Variants in PDZD2 observed in about 807,000 individuals in gnomAD.
The protein encoded by PDZD2 is PDZ domain-containing protein 2.
A neutral mutation model predicts 220.7 loss-of-function variants in PDZD2; 90 were observed. That is an observed-to-expected ratio of 0.41 (90% confidence interval 0.34 to 0.49). The LOEUF is 0.49. Among genes scored for constraint, PDZD2 ranks in the 20% least tolerant of loss-of-function variants. The pLI, the probability that PDZD2 is intolerant of heterozygous loss-of-function variation, is 0.28. For missense variants in PDZD2, 3,174 were observed against 3,608.5 expected, an observed-to-expected ratio of 0.88 and a Z score of 3.08; for synonymous variants, 1,375 against 1,450.5, an observed-to-expected ratio of 0.95 and a Z score of 1.18.
rs1554045800 is a variant in PDZD2, at chr5:32,108,665, T to TAAG, written c.*532_*534dup. The TAAG allele has an allele frequency of 6.5e-6, 1 of 152,696 alleles. No individual in the cohort carries two copies. The highest frequency in any genetic ancestry group is 1.9e-4 in the East Asian group (1 of 5,182). The allele number at this position is 152,696 out of a possible 1,614,324, so 9.5% of individuals were successfully genotyped here. On this transcript the variant is annotated 3_prime_UTR_variant, in exon 25 of 25. Coordinates refer to ENST00000438447, the MANE Select transcript of PDZD2 (RefSeq NM_178140.4). ...TGTATATGTTACCCTGAAAAGAGAATAAGACTTACTTAAAAAAATGAATTA... is the reference window on the plus strand; with the variant it reads ...TGTATATGTTACCCTGAAAAGAGAATAAGAAGACTTACTTAAAAAAATGAATTA...
At chr5:31,995,811 A>G (rs1185947822) in intron 4 of PDZD2, 93 bp downstream of exon 4, 4 of 1,156,762 alleles carry the variant, frequency 3.5e-6, no homozygotes, top group Non-Finnish European at 5.0e-6. Flanking sequence ...CACTTGTTCA[A>G]AGCCCTGGCG....
chr5:31,975,275 T>TC (rs1231731219), intron 2 of PDZD2, among the ~76,000 whole-genome samples: 1 of 152,082 alleles, frequency 6.6e-6, no homozygotes, highest in Non-Finnish European at 1.5e-5. Flanking sequence ...AGGAGCAAAG[T>TC]CACATCTTAC....
intron 6 of PDZD2, among the ~76,000 whole-genome samples, chr5:32,028,662 A>ATTTTTTTTTTTTT (rs749566544): frequency 3.0e-5 from 2 of 66,916 alleles, no homozygotes; most frequent in Non-Finnish European, 4.1e-5. Flanking sequence ...TGCTCCTTCT[A>ATTTTTTTTTTTTT]TTTTTTTTTT....
chr5:31,741,887 A>G (rs1428273005), intron 1 of PDZD2: 1 of 152,200 alleles, frequency 6.6e-6, no homozygotes, highest in African/African-American at 2.4e-5. Context: ...GTGAAATCTT[A>G]ACCCAGGACC....
chr5:31,904,509 A>G (rs551747533), intron 2 of PDZD2, among the ~76,000 whole-genome samples: 39 of 152,268 alleles, frequency 2.6e-4, no homozygotes, highest in East Asian at 1.2e-3. Context: ...CTGGAAATCA[A>G]TACTTGTTAA....
chr5:31,932,720 C>A (rs1007402097), intron 2 of PDZD2, among the ~76,000 whole-genome samples: 30 of 152,136 alleles, frequency 2.0e-4, no homozygotes, highest in Admixed American at 2.6e-4. Context: ...AAGGCTTTTC[C>A]TCTTGCAAAA....
intron 2 of PDZD2, among the ~76,000 whole-genome samples, chr5:31,926,541 A>AAAG (rs1554008115): frequency 1.7e-4 from 26 of 149,334 alleles, no homozygotes; most frequent in East Asian, 5.8e-4. Context: ...AAAAAAAAAA[A>AAAG]AAAAGAAAAT....
intron 1 of PDZD2, among the ~76,000 whole-genome samples, chr5:31,715,538 C>T (rs1748396453): frequency 6.6e-6 from 1 of 152,220 alleles, no homozygotes; most frequent in South Asian, 2.1e-4. Flanking sequence ...AAAGTAAATT[C>T]AGAATCATCA....
chr5:32,059,101 T>A, intron 12 of PDZD2, 138 bp from the exon 13 acceptor site: 1 of 583,900 alleles, frequency 1.7e-6, no homozygotes, highest in Non-Finnish European at 3.0e-6. Flanking sequence ...AAAAGCTGGA[T>A]TTACATTCTG....
chr5:31,740,524 CAAAAAAAAAAAAAAAA>C (rs58965956), intron 1 of PDZD2, among the ~76,000 whole-genome samples: 14 of 60,094 alleles, frequency 2.3e-4, no homozygotes, highest in East Asian at 1.6e-3. Flanking sequence ...GACTCCGTCT[CAAAAAAAAAAAAAAAA>C]AAAAAAAAAA....
chr5:31,795,333 A>AT (rs1301424000), intron 1 of PDZD2, among the ~76,000 whole-genome samples: 1 of 152,218 alleles, frequency 6.6e-6, no homozygotes, highest in Non-Finnish European at 1.5e-5. Context: ...AAGTTGGTAG[A>AT]TTTTAACACC....
chr5:31,723,907 C>T (rs370975140), intron 1 of PDZD2, among the ~76,000 whole-genome samples: 12 of 152,106 alleles, frequency 7.9e-5, no homozygotes, highest in East Asian at 3.9e-4. Context: ...TGTTAGCCAC[C>T]GTGCCCAGCC....
chr5:31,926,221 TA>T (rs201595332), intron 2 of PDZD2, among the ~76,000 whole-genome samples: 57,844 of 143,524 alleles, frequency 0.4, 11,558 homozygotes, highest in East Asian at 0.66. Context: ...CCCTGTCACT[TA>T]AAAAAAAAAA....
At chr5:31,766,324 T>TA (rs1362286292) in intron 1 of PDZD2, among the ~76,000 whole-genome samples, 6 of 152,128 alleles carry the variant, frequency 3.9e-5, no homozygotes, top group Middle Eastern at 3.2e-3. Context: ...AAGATGCTAA[T>TA]ATAAAAAAAG....
intron 1 of PDZD2, among the ~76,000 whole-genome samples, chr5:31,737,813 A>C (rs10069080): frequency 0.31 from 47,269 of 151,964 alleles, 7,863 homozygotes; most frequent in African/African-American, 0.44. Flanking sequence ...CTTAGAATGA[A>C]ATAAGCACTT....
intron 2 of PDZD2, among the ~76,000 whole-genome samples, chr5:31,866,133 G>C (rs1298433767): frequency 6.6e-6 from 1 of 151,862 alleles, no homozygotes; most frequent in Non-Finnish European, 1.5e-5. Flanking sequence ...TCACGAGCTG[G>C]GACTGCAGGC....
chr5:31,950,368 A>C (rs1467299903), intron 2 of PDZD2, among the ~76,000 whole-genome samples: 2 of 152,202 alleles, frequency 1.3e-5, no homozygotes, highest in Non-Finnish European at 2.9e-5. Flanking sequence ...ACCAATGAGG[A>C]AGGCTGGATT....
At chr5:31,824,172 T>C (rs1268785251) in intron 2 of PDZD2, among the ~76,000 whole-genome samples, 1 of 152,192 alleles carries the variant, frequency 6.6e-6, no homozygotes, top group Non-Finnish European at 1.5e-5. Context: ...CAGGATAGCA[T>C]ATTTTAACTC....
intron 23 of PDZD2, chr5:32,100,044 T>C (rs1744110641): frequency 6.6e-6 from 1 of 152,300 alleles, no homozygotes; most frequent in African/African-American, 2.4e-5. Flanking sequence ...AAATCAGAAA[T>C]GCCGCAGTGG....
Sources: allele counts gnomAD v4.1 joint callset (sites outside exome capture counted in the v4.1 genomes callset), GRCh38; gene constraint gnomAD v4.1.1; transcripts MANE v1.5; gene names NCBI Gene and HGNC (gene_info 2026-07-23, HGNC 2026-07-21).